The following SMCO4 variants were observed in gnomAD, a reference collection of about 807,000 sequenced individuals.
SMCO4 encodes the protein single-pass membrane and coiled-coil domain-containing protein 4.
SMCO4 carries 4 observed loss-of-function variants against 3.6 expected under a neutral mutation model. The observed-to-expected ratio is 1.11, with a 90% CI of 0.54 to 2.53. SMCO4 has a LOEUF of 2.53. Among genes scored for constraint, SMCO4 ranks in the 30% most tolerant of loss-of-function variants. SMCO4 has a pLI of 0.02. For synonymous variants in SMCO4, 36 were observed against 35.3 expected (o/e 1.02, Z -0.07); for missense variants, 70 against 80.8 (o/e 0.87, Z 0.51).
At chr11:93,525,925 G>C (rs975606) in intron 1 of SMCO4, among the ~76,000 whole-genome samples, 7,080 of 152,218 alleles carry the variant, frequency 0.047, 384 homozygotes, top group East Asian at 0.14. Flanking sequence ...AGCTTGGAAA[G>C]AGCTGATTCA....
At chr11:93,515,545 G>A (rs1371702607) in intron 1 of SMCO4, among the ~76,000 whole-genome samples, 3 of 152,166 alleles carry the variant, frequency 2.0e-5, no homozygotes, top group Admixed American at 6.5e-5. Flanking sequence ...AAACACCTTG[G>A]CAAAAGAAAA....
At chr11:93,504,601 C>A (rs547544935) in intron 1 of SMCO4, among the ~76,000 whole-genome samples, 1 of 152,190 alleles carries the variant, frequency 6.6e-6, no homozygotes, top group African/African-American at 2.4e-5. Context: ...AATCTTCTTA[C>A]AAAAGTCCTG....
intron 1 of SMCO4, among the ~76,000 whole-genome samples, chr11:93,520,084 G>A (rs578004464): frequency 2.7e-4 from 41 of 152,186 alleles, no homozygotes; most frequent in Non-Finnish European, 5.0e-4. Flanking sequence ...CTTGCAGCCC[G>A]GATGGCATCG....
In SMCO4 at chr11:93,518,057, A is replaced by T. The variant is rs549204217; in HGVS notation, c.-153-18709T>A. ...CTCTATCTAGTTTCAAAACATTTTCATCAACCCAAAAGAAAATCAGTATCC... is the reference window on the plus strand; with the variant it reads ...CTCTATCTAGTTTCAAAACATTTTCTTCAACCCAAAAGAAAATCAGTATCC... On this transcript the variant is annotated intron_variant, in intron 1 of 2. Transcript: ENST00000298966. 2.9e-3 allele frequency among the ~76,000 whole-genome samples: 435 copies of T among 152,360 alleles called. 1 individual carries two copies. The highest frequency in any genetic ancestry group is 4.4e-3 in the Non-Finnish European group (301 of 68,028).
At chr11:93,534,583 A>G (rs1265672186) in intron 1 of SMCO4, among the ~76,000 whole-genome samples, 1 of 152,200 alleles carries the variant, frequency 6.6e-6, no homozygotes, top group Non-Finnish European at 1.5e-5. Context: ...GAGATAAAAT[A>G]GCTGCTCAAG....
At chr11:93,503,541 G>A (rs942589411) in intron 1 of SMCO4, among the ~76,000 whole-genome samples, 2 of 152,188 alleles carry the variant, frequency 1.3e-5, no homozygotes, top group Non-Finnish European at 2.9e-5. Flanking sequence ...TTGTAGACAT[G>A]ATTAAGTCAA....
intron 2 of SMCO4, among the ~76,000 whole-genome samples, chr11:93,482,229 G>A (rs1383686331): frequency 6.6e-6 from 1 of 152,192 alleles, no homozygotes; most frequent in African/African-American, 2.4e-5. Context: ...CTGGGGAGGG[G>A]ACCCTATGGT....
chr11:93,525,784 G>A (rs1949100555), intron 1 of SMCO4, among the ~76,000 whole-genome samples: 1 of 152,248 alleles, frequency 6.6e-6, no homozygotes, highest in South Asian at 2.1e-4. Flanking sequence ...CATTCTCAAA[G>A]CCAAAAAACA....
chr11:93,489,289 C>T (rs1410043461), intron 2 of SMCO4, among the ~76,000 whole-genome samples: 2 of 152,108 alleles, frequency 1.3e-5, no homozygotes, highest in East Asian at 3.8e-4. Context: ...GTGACTGGTA[C>T]ATAGTAGGTA....
chr11:93,535,826 C>T (rs1949219644), intron 1 of SMCO4: 5 of 1,613,460 alleles, frequency 3.1e-6, no homozygotes, highest in Admixed American at 3.3e-5. Flanking sequence ...CAGTAAAGGA[C>T]ATACATTTCC....
At chr11:93,549,977 A>G in the SMCO4 span, among the ~76,000 whole-genome samples, 3 of 152,228 alleles carry the variant, frequency 2.0e-5, no homozygotes, top group Non-Finnish European at 4.4e-5. Context: ...TAAAGCTGTG[A>G]AATCCCATAT....
At chr11:93,508,007 TATATC>T (rs1948924145) in intron 1 of SMCO4, among the ~76,000 whole-genome samples, 1 of 152,232 alleles carries the variant, frequency 6.6e-6, no homozygotes, top group Non-Finnish European at 1.5e-5. Flanking sequence ...TATATTATCA[TATATC>T]ATATAATGGG....
intron 1 of SMCO4, among the ~76,000 whole-genome samples, chr11:93,512,487 C>T (rs1948966562): frequency 6.6e-6 from 1 of 152,220 alleles, no homozygotes; most frequent in South Asian, 2.1e-4. Context: ...GTCCTGCAAG[C>T]TCCATTCATG....
In SMCO4 at chr11:93,527,481, C is replaced by A. The variant is rs188807062; in HGVS notation, c.-154+15795G>T. ...GAAAAGGCAATTTTTTTCCTTGAGACATGGTCTCACTGTCACCCAGGCTGG... is the reference window on the plus strand; with the variant it reads ...GAAAAGGCAATTTTTTTCCTTGAGAAATGGTCTCACTGTCACCCAGGCTGG... On this transcript the variant is annotated intron_variant, in intron 1 of 2. Coordinates refer to ENST00000298966, the MANE Select transcript of SMCO4 (RefSeq NM_020179.3). Among the ~76,000 whole-genome samples the A allele has an allele frequency of 4.9e-3, 752 of 152,246 alleles. 4 individuals carry two copies. Among genetic ancestry groups the A allele is most frequent in the Non-Finnish European group, 9.1e-3 (619 of 68,010 alleles).
chr11:93,516,661 G>A (rs552517819), intron 1 of SMCO4, among the ~76,000 whole-genome samples: 90 of 152,080 alleles, frequency 5.9e-4, no homozygotes, highest in Non-Finnish European at 9.4e-4. Flanking sequence ...GTGGTGGTGC[G>A]TGCCTGTAGT....
chr11:93,489,203 A>G (rs1441539950), intron 2 of SMCO4, among the ~76,000 whole-genome samples: 1 of 152,154 alleles, frequency 6.6e-6, no homozygotes, highest in East Asian at 1.9e-4. Context: ...AGGTTACTTA[A>G]TCTTTCTGTG....
intron 1 of SMCO4, among the ~76,000 whole-genome samples, chr11:93,531,569 T>C (rs1014512416): frequency 5.3e-5 from 8 of 152,224 alleles, no homozygotes; most frequent in Admixed American, 2.6e-4. Flanking sequence ...CATAACCCTA[T>C]TGGTTCTGTT....
chr11:93,515,181 A>G, intron 1 of SMCO4, among the ~76,000 whole-genome samples: 1 of 152,198 alleles, frequency 6.6e-6, no homozygotes, highest in South Asian at 2.1e-4. Context: ...CATTTCCTAC[A>G]AATACACAGG....
rs903147021 is a variant in SMCO4, at chr11:93,494,381, C to T, written c.-81+4895G>A. Among the ~76,000 whole-genome samples the T allele has an allele frequency of 5.3e-5, 8 of 152,154 alleles. No homozygotes were observed. The South Asian group carries it at 1.0e-3, about 20-fold the overall frequency. Reference sequence around the variant, plus strand: ...TTAACCACCAACCAAAAAATGTTAACCAAATAACAAGAAAGCCAAGTTAAC... The same window carrying T: ...TTAACCACCAACCAAAAAATGTTAATCAAATAACAAGAAAGCCAAGTTAAC... On this transcript the variant is annotated intron_variant, in intron 2 of 2. Transcript: ENST00000298966.
Sources: allele counts gnomAD v4.1 joint callset (sites outside exome capture counted in the v4.1 genomes callset), GRCh38; gene constraint gnomAD v4.1.1; transcripts MANE v1.5; gene names NCBI Gene and HGNC (gene_info 2026-07-23, HGNC 2026-07-21).